TMEM272: variants seen among roughly 807,000 people sequenced by gnomAD.
TMEM272 encodes the protein transmembrane protein 272, also known as long intergenic non-protein coding RNA 282.
In TMEM272, 8 loss-of-function variants were observed where a neutral mutation model predicts 3.7. The ratio of observed to expected loss-of-function variants is 2.17; its 90% CI spans 1.27 to 3.91. The LOEUF is 3.91. Among genes scored for constraint, TMEM272 ranks in the 30% most tolerant of loss-of-function variants. TMEM272 has a pLI of 0.00. For missense variants in TMEM272, 166 were observed against 91.5 expected (o/e 1.81, Z -3.32); for synonymous variants, 63 against 39.8 (o/e 1.58, Z -2.20).
upstream of TMEM272, among the ~76,000 whole-genome samples, chr13:51,845,722 G>A (rs1956299717): frequency 6.6e-6 from 1 of 152,230 alleles, no homozygotes; most frequent in South Asian, 2.1e-4. Context: ...TGTATTGTAA[G>A]CAAGCACCTA....
At chr13:51,910,027 T>TC in the TMEM272 span, 1 of 1,480,688 alleles carries the variant, frequency 6.8e-7, no homozygotes, top group Non-Finnish European at 9.4e-7. Flanking sequence ...TCTTCATTCA[T>TC]TTGAAATCCC....
rs954304922 is a variant in TMEM272 at position 51,813,567 on chromosome 13, C to T, written c.*3184G>A. 2 of 286,300 alleles carry T rather than the reference C, an allele frequency of 7.0e-6. No individual in the cohort carries two copies. The highest frequency in any genetic ancestry group is 1.3e-5 in the Non-Finnish European group (2 of 155,674). 17.7% of individuals were successfully genotyped at this position (286,300 alleles called of 1,614,324 possible). On this transcript the variant is annotated 3_prime_UTR_variant, in exon 5 of 5. Transcript: ENST00000629372. The stretch of plus-strand genomic sequence containing the variant: ...AGCCAGTCCAGGCTGTATGTGTGGC[C>T]CGAGTGCACACATGCGGTTTCTCTG...
At chr13:51,865,348 C>T in the TMEM272 span, 4 of 1,544,384 alleles carry the variant, frequency 2.6e-6, no homozygotes, top group South Asian at 5.0e-5. Flanking sequence ...ACCAGCCGAC[C>T]TGGACCTGGC....
chr13:51,895,111 C>T, the TMEM272 span, among the ~76,000 whole-genome samples: 37 of 152,104 alleles, frequency 2.4e-4, no homozygotes, highest in African/African-American at 8.7e-4. Context: ...GATGAAGCTT[C>T]GCTTGCTCAC....
chr13:51,922,368 G>A, the TMEM272 span, among the ~76,000 whole-genome samples: 53 of 152,184 alleles, frequency 3.5e-4, no homozygotes, highest in Non-Finnish European at 7.2e-4. Flanking sequence ...CCTGTTCCCA[G>A]GACTGCTGGG....
chr13:51,852,555 T>A, the TMEM272 span, among the ~76,000 whole-genome samples: 4 of 152,212 alleles, frequency 2.6e-5, no homozygotes, highest in Non-Finnish European at 5.9e-5. Context: ...TTGAGCAATT[T>A]TCCAGTTTGA....
the TMEM272 span, among the ~76,000 whole-genome samples, chr13:51,906,902 G>A: frequency 6.6e-6 from 1 of 152,250 alleles, no homozygotes; most frequent in African/African-American, 2.4e-5. Flanking sequence ...AAAGACGAAT[G>A]AGCTGGAACT....
the TMEM272 span, chr13:51,862,030 C>T: frequency 1.3e-5 from 2 of 152,390 alleles, no homozygotes; most frequent in Non-Finnish European, 2.9e-5. Flanking sequence ...GTGCCCCCTC[C>T]TTTCCTTAAA....
At chr13:51,873,086 C>T in the TMEM272 span, among the ~76,000 whole-genome samples, 37 of 152,062 alleles carry the variant, frequency 2.4e-4, no homozygotes, top group African/African-American at 8.9e-4. Flanking sequence ...ATGGAGCAGT[C>T]GGAAGTCATT....
the TMEM272 span, among the ~76,000 whole-genome samples, chr13:51,868,049 A>C: frequency 6.6e-6 from 1 of 152,246 alleles, no homozygotes; most frequent in African/African-American, 2.4e-5. Flanking sequence ...AAGCTTGTTT[A>C]GCACCTGGGT....
intron 2 of TMEM272, among the ~76,000 whole-genome samples, chr13:51,830,983 C>G (rs1956168756): frequency 6.6e-6 from 1 of 152,160 alleles, no homozygotes. Context: ...TGCTTAAAGT[C>G]TAATGAGGCT....
the TMEM272 span, among the ~76,000 whole-genome samples, chr13:51,861,663 C>G: frequency 6.6e-6 from 1 of 152,070 alleles, no homozygotes; most frequent in Admixed American, 6.5e-5. Flanking sequence ...GGAGAGGAGA[C>G]AGAGAAAATG....
chr13:51,926,881 T>C, the TMEM272 span, among the ~76,000 whole-genome samples: 7 of 152,284 alleles, frequency 4.6e-5, no homozygotes, highest in African/African-American at 1.2e-4. Context: ...ATTTTATCTA[T>C]CAATTTAAAA....
At chr13:51,864,301 C>T in the TMEM272 span, among the ~76,000 whole-genome samples, 1 of 152,166 alleles carries the variant, frequency 6.6e-6, no homozygotes, top group African/African-American at 2.4e-5. Flanking sequence ...AAGCCTCTCT[C>T]AAGTACTCAC....
At chr13:51,931,553 G>A in the TMEM272 span, among the ~76,000 whole-genome samples, 4 of 152,172 alleles carry the variant, frequency 2.6e-5, no homozygotes, top group Admixed American at 6.5e-5. Context: ...ATAGGTTGAC[G>A]GGTGCAGCAA....
At chr13:51,917,256 G>A in the TMEM272 span, among the ~76,000 whole-genome samples, 1 of 152,190 alleles carries the variant, frequency 6.6e-6, no homozygotes, top group Non-Finnish European at 1.5e-5. Flanking sequence ...AATGGCAGCA[G>A]GTTGGTGGGG....
chr13:51,831,765 G>A (rs1174601652), intron 2 of TMEM272, among the ~76,000 whole-genome samples: 2 of 152,232 alleles, frequency 1.3e-5, no homozygotes, highest in Non-Finnish European at 2.9e-5. Flanking sequence ...CCGCTGTTGC[G>A]ATTGCAGCGG....
At chr13:51,867,350 G>A in the TMEM272 span, among the ~76,000 whole-genome samples, 2 of 152,358 alleles carry the variant, frequency 1.3e-5, no homozygotes, top group East Asian at 3.9e-4. Flanking sequence ...AAAACCCACA[G>A]TGTCTGTCTC....
chr13:51,867,135 T>G, the TMEM272 span, among the ~76,000 whole-genome samples: 1 of 152,106 alleles, frequency 6.6e-6, no homozygotes, highest in Non-Finnish European at 1.5e-5. Flanking sequence ...TCACTGTCAT[T>G]AACACATCAA....
Sources: gnomAD v4.1 joint callset for allele counts (sites outside exome capture counted in the v4.1 genomes callset) on GRCh38, gnomAD v4.1.1 for gene constraint, MANE v1.5 for transcripts, NCBI Gene and HGNC (gene_info 2026-07-23, HGNC 2026-07-21) for gene names.